PHLPP1: variants seen among roughly 807,000 people sequenced by gnomAD.
PHLPP1 encodes the protein PH domain leucine-rich repeat-containing protein phosphatase 1.
A neutral mutation model predicts 117.2 loss-of-function variants in PHLPP1; 42 were observed. That is an observed-to-expected ratio of 0.36 (90% CI 0.28 to 0.46). PHLPP1 has a LOEUF of 0.46. Among genes scored for constraint, PHLPP1 ranks in the 20% least tolerant of loss-of-function variants. PHLPP1 has a pLI of 1.00. For synonymous variants in PHLPP1, 1,042 were observed against 970.7 expected (o/e 1.07, Z -1.37); for missense variants, 2,084 against 2,241.9 (o/e 0.93, Z 1.42).
intron 1 of PHLPP1, among the ~76,000 whole-genome samples, chr18:62,824,405 T>A (rs963662992): frequency 3.3e-5 from 5 of 151,774 alleles, no homozygotes; most frequent in African/African-American, 1.2e-4. Flanking sequence ...CAACAAAAAA[T>A]AATGAACTCT....
intron 4 of PHLPP1, chr18:62,889,725 T>C (rs1375536361): frequency 2.0e-5 from 3 of 152,236 alleles, no homozygotes; most frequent in Non-Finnish European, 2.9e-5. Flanking sequence ...GGGTAAGGAA[T>C]TCCAGTCTCC....
Position 62,716,802 on chromosome 18 carries a change from G to A in PHLPP1, c.1119G>A (p.Ser373=), listed in dbSNP as rs935785132. The change falls in exon 1 of 17, where the codon TCG becomes TCA. Residue 373 remains serine, a synonymous_variant. Transcript: ENST00000262719. This position sits in a 1 kb window ranked among gnomAD's most constrained non-coding sequence, Gnocchi z 5.7. The part of the protein sequence containing the change: ...LDPYSSGGGS[S]SSSEELEADA... ...CCTACAGCAGCGGCGGCGGCTCCTCGTCGTCGTCGGAAGAGCTCGAGGCCG... is the reference window on the plus strand; with the variant it reads ...CCTACAGCAGCGGCGGCGGCTCCTCATCGTCGTCGGAAGAGCTCGAGGCCG... The A allele has an allele frequency of 6.6e-6, 10 of 1,525,828 alleles. No homozygotes were observed. The highest frequency in any genetic ancestry group is 8.8e-6 in the Non-Finnish European group (10 of 1,142,202). The allele number at this position is 1,525,828 out of a possible 1,614,324, so 94.5% of individuals were successfully genotyped here. A position where few individuals can be genotyped will look rare whatever the true frequency, so the allele number is the denominator to read the frequency against.
intron 1 of PHLPP1, among the ~76,000 whole-genome samples, chr18:62,730,260 C>T (rs148516518): frequency 8.1e-4 from 124 of 152,328 alleles, no homozygotes; most frequent in African/African-American, 2.5e-3. Context: ...GGCTTTTCTG[C>T]ATTCTTTCTT....
At chr18:62,936,219 A>G (rs1568167050) in intron 10 of PHLPP1, among the ~76,000 whole-genome samples, 1 of 152,206 alleles carries the variant, frequency 6.6e-6, no homozygotes, top group South Asian at 2.1e-4. Context: ...CATTTGGGAC[A>G]ACGTGAGCAA....
chr18:62,802,471 C>T (rs1385593778), intron 1 of PHLPP1, among the ~76,000 whole-genome samples: 1 of 152,162 alleles, frequency 6.6e-6, no homozygotes, highest in Non-Finnish European at 1.5e-5. Context: ...CTAAGCATCA[C>T]AGTTACAGTA....
intron 14 of PHLPP1, among the ~76,000 whole-genome samples, chr18:62,968,647 TCTGCC>T (rs1910970250): frequency 6.6e-6 from 1 of 151,146 alleles, no homozygotes. Context: ...ACGCAATTCT[TCTGCC>T]TCAGCCTTCT....
At chr18:62,894,939 A>G in intron 4 of PHLPP1, 72 bp from the exon 5 acceptor site, 2 of 1,305,080 alleles carry the variant, frequency 1.5e-6, no homozygotes, top group Non-Finnish European at 2.1e-6. Context: ...ATTATCTCTT[A>G]GGCTATGCTA....
At chr18:62,963,860 T>C (rs1418437143) in intron 14 of PHLPP1, among the ~76,000 whole-genome samples, 1 of 152,206 alleles carries the variant, frequency 6.6e-6, no homozygotes, top group East Asian at 1.9e-4. Flanking sequence ...GTAGCTTAAT[T>C]GTGCATATTT....
chr18:62,715,984 C>T lies in PHLPP1; in HGVS notation c.301C>T (p.Pro101Ser). Residue 101 changes from proline to serine, a missense_variant, in exon 1 of 17, where the codon CCC becomes TCC. Coordinates refer to ENST00000262719, the MANE Select transcript of PHLPP1 (RefSeq NM_194449.4). ...GRRRRRGAPQ[P>S]IAGGAAPVPG... The stretch of plus-strand genomic sequence containing the variant: ...CAGGAGGCGGCGCGGGGCGCCCCAG[C>T]CCATTGCCGGCGGGGCTGCCCCCGT... 2 of 1,335,274 alleles carry T rather than the reference C, an allele frequency of 1.5e-6. No individual in the cohort carries two copies. The highest frequency in any genetic ancestry group is 1.9e-6 in the Non-Finnish European group (2 of 1,048,856). The allele number at this position is 1,335,274 out of a possible 1,614,324, so 82.7% of individuals were successfully genotyped here. A position where few individuals can be genotyped will look rare whatever the true frequency, so the allele number is the denominator to read the frequency against.
At chr18:62,862,640 C>T (rs1915661198) in intron 4 of PHLPP1, among the ~76,000 whole-genome samples, 1 of 152,084 alleles carries the variant, frequency 6.6e-6, no homozygotes, top group South Asian at 2.1e-4. Context: ...CTATAAATAG[C>T]GACTGGTTTG....
intron 1 of PHLPP1, among the ~76,000 whole-genome samples, chr18:62,801,112 G>A (rs570552565): frequency 1.4e-5 from 2 of 141,122 alleles, no homozygotes; most frequent in South Asian, 4.8e-4. Context: ...GCAGTGGCAT[G>A]ATCTTGGCTC....
In PHLPP1 at chr18:62,979,296, G is replaced by T; in HGVS notation, c.5019G>T (p.Glu1673Asp). 6.4e-7 allele frequency: 1 copy of T among 1,556,382 alleles called. No homozygotes were observed. Among genetic ancestry groups the T allele is most frequent in the Non-Finnish European group, 8.7e-7 (1 of 1,149,584 alleles). ...QFIIPPELEE[E>D]VKEIMKHHQE... ...TCATACCCCCGGAGCTGGAAGAGGA[G>T]GTCAAAGAAATCATGAAGCATCACC... Residue 1673 changes from glutamate (E) to aspartate (D), a missense_variant, in exon 17 of 17, where the codon GAG (glutamate) becomes GAT (aspartate). By Grantham distance (45) the Glu-to-Asp change is conservative. Coordinates refer to ENST00000262719, the MANE Select transcript of PHLPP1 (RefSeq NM_194449.4).
intron 1 of PHLPP1, among the ~76,000 whole-genome samples, chr18:62,794,859 A>T (rs938920731): frequency 2.6e-5 from 4 of 152,122 alleles, no homozygotes; most frequent in African/African-American, 9.7e-5. Flanking sequence ...AGTGCTGGGG[A>T]AGATTTGTTT....
At chr18:62,735,704 C>T (rs1203088636) in intron 1 of PHLPP1, among the ~76,000 whole-genome samples, 1 of 152,140 alleles carries the variant, frequency 6.6e-6, no homozygotes, top group Non-Finnish European at 1.5e-5. Flanking sequence ...GAAAGTAGTA[C>T]AGTTCATTTA....
chr18:62,819,023 A>C (rs989400600), intron 1 of PHLPP1, among the ~76,000 whole-genome samples: 1 of 152,218 alleles, frequency 6.6e-6, no homozygotes, highest in Non-Finnish European at 1.5e-5. Context: ...AGACAAAGTA[A>C]AATGTAGTAA....
intron 1 of PHLPP1, among the ~76,000 whole-genome samples, chr18:62,771,601 T>G (rs1912780349): frequency 6.6e-6 from 1 of 152,230 alleles, no homozygotes; most frequent in Non-Finnish European, 1.5e-5. Context: ...TAGTGCACAC[T>G]GAGCTTTTTT....
chr18:62,735,603 C>A (rs117583119), intron 1 of PHLPP1, among the ~76,000 whole-genome samples: 24 of 140,648 alleles, frequency 1.7e-4, no homozygotes, highest in Non-Finnish European at 2.2e-4. Flanking sequence ...ACAACAACAA[C>A]AAAACCAGTT....
rs760308088 is a variant in PHLPP1 at position 62,717,074 on chromosome 18, C to T, written c.1391C>T (p.Pro464Leu). 2 of 1,544,866 alleles carry T rather than the reference C, an allele frequency of 1.3e-6. No individual in the cohort carries two copies. The highest frequency in any genetic ancestry group is 1.4e-5 in the African/African-American group (1 of 72,918). ...RSGVTAEKAP[P>L]PPPPPTLYVQ... ...GGGGTGACCGCGGAGAAGGCGCCTC[C>T]GCCGCCCCCGCCGCCCACCCTGTAC... Residue 464 changes from proline to leucine, a missense_variant, in exon 1 of 17, where the codon CCG becomes CTG. This residue lies in a region of PHLPP1 where 1,365 missense variants were observed against 1,605.9 expected (regional missense o/e 0.85). Coordinates refer to ENST00000262719, the MANE Select transcript of PHLPP1 (RefSeq NM_194449.4).
At position 62,716,334 on chromosome 18, in the gene PHLPP1, C is replaced by T. The variant is rs1910733159; in HGVS notation, c.651C>T (p.Arg217=). Residue 217 remains arginine (R), a synonymous_variant, in exon 1 of 17, where the codon CGC becomes CGT. Transcript: ENST00000262719. The surrounding 1 kb of genome is among the most constrained non-coding windows in gnomAD (Gnocchi z 5.7). ...FDRHMASTYL[R]PVLCTLDTTA... ...GCCACATGGCCTCGACCTACCTGCG[C>T]CCGGTGCTCTGCACACTGGACACCA... 2 of 1,530,124 alleles carry T rather than the reference C, an allele frequency of 1.3e-6. No homozygotes were observed. Among genetic ancestry groups the T allele is most frequent in the Middle Eastern group, 1.7e-4 (1 of 5,792 alleles). 94.8% of individuals were successfully genotyped at this position (1,530,124 alleles called of 1,614,324 possible). A position where few individuals can be genotyped will look rare whatever the true frequency, so the allele number is the denominator to read the frequency against.
Sources: allele counts gnomAD v4.1 joint callset (sites outside exome capture counted in the v4.1 genomes callset), GRCh38; gene constraint gnomAD v4.1.1; regional missense constraint gnomAD v4.1.1; non-coding constraint Gnocchi (gnomAD v3.1); transcripts MANE v1.5; gene names NCBI Gene and HGNC (gene_info 2026-07-23, HGNC 2026-07-21).